The following UBE3C variants were observed in gnomAD, a reference collection of about 807,000 sequenced individuals.
The protein encoded by UBE3C is ubiquitin protein ligase E3C, also known as ubiquitin-protein ligase E3C.
UBE3C carries 42 observed loss-of-function variants against 129.4 expected under a neutral mutation model. The observed-to-expected ratio is 0.32, with a 90% confidence interval of 0.25 to 0.42. UBE3C has a LOEUF of 0.42. UBE3C is among the 10% of genes least tolerant of loss of function. The pLI, the probability that UBE3C is intolerant of heterozygous loss-of-function variation, is 1.00. For synonymous variants in UBE3C, 510 were observed against 492.4 expected (o/e 1.04, Z -0.47); for missense variants, 1,049 against 1,319.1 (o/e 0.80, Z 3.17).
Position 157,188,839 on chromosome 7 carries a change from A to G in UBE3C, c.1331+1818A>G, listed in dbSNP as rs576486655. On this transcript the variant is annotated intron_variant, in intron 10 of 22. Transcript: ENST00000348165. ...AAAAAGTATTTGAAAGATGATTAGT[A>G]TATTCCCAGGCTGATAACTCATTCA... 5 of 436,850 alleles carry G rather than the reference A, an allele frequency of 1.1e-5. No homozygotes were observed. In the East Asian group the frequency reaches 1.3e-4, roughly 11 times the overall value. 27.1% of individuals were successfully genotyped at this position (436,850 alleles called of 1,614,324 possible).
intron 1 of UBE3C, among the ~76,000 whole-genome samples, chr7:157,144,429 T>C (rs1396868761): frequency 2.6e-5 from 4 of 152,022 alleles, no homozygotes; most frequent in Non-Finnish European, 5.9e-5. Context: ...AACTTAAGTT[T>C]ATAGACTGGG....
chr7:157,167,936 T>G (rs1296860555), intron 2 of UBE3C, among the ~76,000 whole-genome samples: 2 of 152,248 alleles, frequency 1.3e-5, no homozygotes, highest in Admixed American at 1.3e-4. Flanking sequence ...GCCAGGTCGC[T>G]GAACATTTTA....
In UBE3C at chr7:157,252,319, A is replaced by C. The variant is rs571751677; in HGVS notation, c.2695-1635A>C. On this transcript the variant is annotated intron_variant, in intron 19 of 22. Transcript: ENST00000348165. The stretch of plus-strand genomic sequence containing the variant: ...AAGGGGTGGTATTTTATACATTGAA[A>C]TATAATAGCTAGCCTCCTGAGGCTT... Among the ~76,000 whole-genome samples, 9 of 152,320 alleles carry C rather than the reference A, an allele frequency of 5.9e-5. No homozygotes were observed. The South Asian group carries it at 1.0e-3, about 18-fold the overall frequency.
chr7:157,174,369 A>G (rs186894653), intron 4 of UBE3C, among the ~76,000 whole-genome samples: 5 of 152,326 alleles, frequency 3.3e-5, no homozygotes, highest in African/African-American at 1.2e-4. Context: ...TCAGATTGAC[A>G]TGAGCTTTAA....
At chr7:157,156,702 T>C (rs1241122424) in intron 1 of UBE3C, among the ~76,000 whole-genome samples, 5 of 134,804 alleles carry the variant, frequency 3.7e-5, no homozygotes, top group Non-Finnish European at 7.6e-5. Flanking sequence ...GTGTGTAAAT[T>C]CCCTTCTTTT....
chr7:157,189,713 CCT>C (rs1808902955), intron 10 of UBE3C, among the ~76,000 whole-genome samples: 1 of 152,044 alleles, frequency 6.6e-6, no homozygotes. Flanking sequence ...TGTGATTTTT[CCT>C]TTACTTGGGC....
At chr7:157,177,028 T>G (rs1808536719) in intron 5 of UBE3C, among the ~76,000 whole-genome samples, 1 of 152,216 alleles carries the variant, frequency 6.6e-6, no homozygotes, top group Admixed American at 6.5e-5. Flanking sequence ...ACATATTTTT[T>G]AATGCCGTTG....
At chr7:157,169,195 C>T (rs866661755) in intron 3 of UBE3C, 73 bp downstream of exon 3, 2 of 1,170,326 alleles carry the variant, frequency 1.7e-6, no homozygotes, top group South Asian at 1.3e-5. Flanking sequence ...TCTTTGTACA[C>T]CTTGTTAATT....
Position 157,266,037 on chromosome 7 carries a change from G to A in UBE3C, c.3082-1548G>A, listed in dbSNP as rs546283986. 2.0e-4 allele frequency among the ~76,000 whole-genome samples: 30 copies of A among 152,246 alleles called. 1 individual carries two copies. In the South Asian group the frequency reaches 5.6e-3, roughly 28 times the overall value. Reference sequence around the variant, plus strand: ...TTTAATGAATAGGGGAACTGGGGCCGGGCACGGTGGCTCACGCCTGTAATC... The same window carrying A: ...TTTAATGAATAGGGGAACTGGGGCCAGGCACGGTGGCTCACGCCTGTAATC... On this transcript the variant is annotated intron_variant, in intron 22 of 22. Transcript: ENST00000348165.
In UBE3C at chr7:157,254,292, T is replaced by C. The variant is rs764604590; in HGVS notation, c.2932T>C (p.Ser978Pro). The C allele has an allele frequency of 6.2e-7, 1 of 1,612,600 alleles. No individual in the cohort carries two copies. Among genetic ancestry groups the C allele is most frequent in the Non-Finnish European group, 8.5e-7 (1 of 1,179,668 alleles). The part of the protein sequence containing the change: ...QVPISLEDLK[S>P]FTNYSGGYSA... ...TCCCATAAGCCTAGAGGACCTAAAATCCTTTACAAACTATTCAGGTATGTT... is the reference window on the plus strand; with the variant it reads ...TCCCATAAGCCTAGAGGACCTAAAACCCTTTACAAACTATTCAGGTATGTT... Residue 978 changes from serine to proline, a missense_variant, in exon 21 of 23, where the codon TCC becomes CCC. Physicochemically the swap from Ser to Pro is moderately conservative, Grantham distance 74. Coordinates refer to ENST00000348165, the MANE Select transcript of UBE3C (RefSeq NM_014671.3).
At chr7:157,202,290 A>T (rs771909712) in intron 11 of UBE3C, among the ~76,000 whole-genome samples, 1 of 152,224 alleles carries the variant, frequency 6.6e-6, no homozygotes, top group African/African-American at 2.4e-5. Context: ...AATAGGTAGG[A>T]ATTTCATACT....
At position 157,186,925 on chromosome 7, in the gene UBE3C, T is replaced by G. The variant is rs771861406; in HGVS notation, c.1235T>G (p.Val412Gly). 3.3e-5 allele frequency: 53 copies of G among 1,613,922 alleles called. No individual in the cohort carries two copies. Among genetic ancestry groups the G allele is most frequent in the Non-Finnish European group, 3.4e-6 (4 of 1,180,016 alleles). Residue 412 changes from valine to glycine, a missense_variant, in exon 10 of 23, where the codon GTG (valine) becomes GGG (glycine). By Grantham distance (109) the Val-to-Gly change is moderately radical. Transcript: ENST00000348165. ...KQQTNTLLNL[V>G]WRDSASEEVF... ...CAGACCAACACCCTGCTCAACCTGG[T>G]GTGGAGGGACTCTGCGAGCGAGGAG...
intron 9 of UBE3C, among the ~76,000 whole-genome samples, chr7:157,184,400 T>C (rs971547265): frequency 4.6e-5 from 7 of 152,252 alleles, no homozygotes; most frequent in African/African-American, 1.7e-4. Flanking sequence ...TAATTCCTGC[T>C]GATTTTATAG....
chr7:157,201,143 G>A (rs1249240008), intron 10 of UBE3C, among the ~76,000 whole-genome samples: 4 of 151,884 alleles, frequency 2.6e-5, no homozygotes, highest in Admixed American at 6.6e-5. Context: ...GGCCAACGTT[G>A]TGAAACCTCA....
intron 21 of UBE3C, among the ~76,000 whole-genome samples, chr7:157,256,314 TG>T (rs1486151295): frequency 6.6e-6 from 1 of 152,044 alleles, no homozygotes; most frequent in Non-Finnish European, 1.5e-5. Context: ...AGCGAATTTT[TG>T]TACATTTGGT....
intron 10 of UBE3C, among the ~76,000 whole-genome samples, chr7:157,191,099 A>G (rs1808950683): frequency 6.6e-6 from 1 of 152,208 alleles, no homozygotes; most frequent in Non-Finnish European, 1.5e-5. Context: ...ATAAATCATA[A>G]GACACCTAGT....
At chr7:157,247,317 C>T (rs2116678305) in intron 18 of UBE3C, among the ~76,000 whole-genome samples, 1 of 152,340 alleles carries the variant, frequency 6.6e-6, no homozygotes, top group South Asian at 2.1e-4. Context: ...TAATGTCTAA[C>T]TGCATGTCTA....
At position 157,169,050 on chromosome 7, in the gene UBE3C, A is replaced by G. The variant is rs1808295862; in HGVS notation, c.123A>G (p.Glu41=). The change falls in exon 3 of 23, where the codon GAA becomes GAG. Residue 41 remains glutamate, a splice_region_variant and synonymous_variant. Transcript: ENST00000348165. Reference sequence around the variant, plus strand: ...TCACTCCTCCTTTTATTGTTTAGGAAGAAAGGCGAAGGTTGAAAAATGCAA... The same window carrying G: ...TCACTCCTCCTTTTATTGTTTAGGAGGAAAGGCGAAGGTTGAAAAATGCAA... ...RTQEERRKRE[E]ERRRLKNAII... 6.2e-7 allele frequency: 1 copy of G among 1,613,508 alleles called. No individual in the cohort carries two copies. The highest frequency in any genetic ancestry group is 8.5e-7 in the Non-Finnish European group (1 of 1,179,688).
intron 10 of UBE3C, chr7:157,198,446 C>T (rs1006881036): frequency 3.8e-5 from 20 of 520,224 alleles, no homozygotes; most frequent in Admixed American, 1.4e-4. Flanking sequence ...CCTGTGCGCT[C>T]GGAGGCCACA....
Sources: allele counts gnomAD v4.1 joint callset (sites outside exome capture counted in the v4.1 genomes callset), GRCh38; gene constraint gnomAD v4.1.1; transcripts MANE v1.5; gene names NCBI Gene and HGNC (gene_info 2026-07-23, HGNC 2026-07-21).